UGT1A8: variants seen among roughly 807,000 people sequenced by gnomAD.
The protein encoded by UGT1A8 is UDP glucuronosyltransferase family 1 member A8.
In UGT1A8, 39 loss-of-function variants were observed where a neutral mutation model predicts 45.3. The ratio of observed to expected loss-of-function variants is 0.86; its 90% CI spans 0.67 to 1.12. The LOEUF is 1.12. Among genes scored for constraint, UGT1A8 ranks in the 50% most tolerant of loss-of-function variants. UGT1A8 has a pLI of 0.00. For synonymous variants in UGT1A8, 275 were observed against 249.2 expected (o/e 1.10, Z -0.97); for missense variants, 719 against 664.9 (o/e 1.08, Z -0.90).
rs773937182 is a variant in UGT1A8 at position 233,618,140 on chromosome 2, G to A, written c.433G>A (p.Val145Met). The A allele has an allele frequency of 1.2e-6, 2 of 1,614,096 alleles. No homozygotes were observed. The highest frequency in any genetic ancestry group is 1.7e-5 in the Admixed American group (1 of 60,012). ...CTTAAAGGAGAGTTCTTTTGATGCG[G>A]TGTTTCTTGATCCTTTTGATGCCTG... ...EYLKESSFDA[V>M]FLDPFDACGL... The change falls in exon 1 of 5, where the codon GTG (valine) becomes ATG (methionine). Residue 145 changes from valine (V) to methionine (M), a missense_variant. Val to Met is a conservative substitution (Grantham distance 21). Transcript: ENST00000373450.
intron 1 of UGT1A8, chr2:233,637,028 C>T (rs2073311321): frequency 9.9e-6 from 16 of 1,613,862 alleles, no homozygotes; most frequent in South Asian, 1.1e-5. Context: ...GTGGTCTTCA[C>T]CAGGGGAATA....
chr2:233,679,263 G>A (rs2074446748), intron 1 of UGT1A8, among the ~76,000 whole-genome samples: 1 of 152,234 alleles, frequency 6.6e-6, no homozygotes, highest in Admixed American at 6.5e-5. Context: ...ACAGTCCCTT[G>A]CTGGCAATGC....
In UGT1A8 at chr2:233,629,284, T is replaced by C. The variant is rs972519707; in HGVS notation, c.855+10722T>C. ...CTTAAGTTTCATTCATGTTAGCATA[T>C]GTCAGAATTTTCTTCCTTTCTAAGG... On this transcript the variant is annotated intron_variant, in intron 1 of 4. Transcript: ENST00000373450. Among the ~76,000 whole-genome samples the C allele has an allele frequency of 3.3e-5, 5 of 152,206 alleles. No homozygotes were observed. In the South Asian group the frequency reaches 6.2e-4, roughly 19 times the overall value.
At chr2:233,689,817 A>G in intron 1 of UGT1A8, 1 of 442,316 alleles carries the variant, frequency 2.3e-6, no homozygotes, top group Admixed American at 2.5e-5. Context: ...GAAACCAAAC[A>G]TCTCTGGACT....
chr2:233,679,011 G>A (rs938044553), intron 1 of UGT1A8, among the ~76,000 whole-genome samples: 1 of 152,226 alleles, frequency 6.6e-6, no homozygotes, highest in South Asian at 2.1e-4. Flanking sequence ...GGCATCTTCA[G>A]TGGTGTAATC....
In UGT1A8 at chr2:233,772,281, C is replaced by T. The variant is rs143033456; in HGVS notation, c.1315C>T (p.Arg439Cys). ...NDKSYKENIM[R>C]LSSLHKDRPV... is the part of the protein sequence containing the mutation. ...GTTTAGTTACAAGGAGAACATCATG[C>T]GCCTCTCCAGCCTTCACAAGGACCG... The change falls in exon 5 of 5, where the codon CGC becomes TGC. Residue 439 changes from arginine to cysteine, a missense_variant. Physicochemically the swap from Arg to Cys is radical, Grantham distance 180. Coordinates refer to ENST00000373450, the MANE Select transcript of UGT1A8 (RefSeq NM_019076.5). 1.3e-4 allele frequency: 210 copies of T among 1,614,084 alleles called. 1 individual carries two copies. Among genetic ancestry groups the T allele is most frequent in the Non-Finnish European group, 1.7e-4 (200 of 1,180,048 alleles).
chr2:233,637,435 G>T (rs896238678), intron 1 of UGT1A8: 30 of 1,543,034 alleles, frequency 1.9e-5, no homozygotes, highest in Non-Finnish European at 2.6e-5. Context: ...ATTAAAAAAG[G>T]ATTCCTTACT....
chr2:233,752,486 G>A (rs1051165548), intron 1 of UGT1A8: 1 of 152,154 alleles, frequency 6.6e-6, no homozygotes, highest in African/African-American at 2.4e-5. Context: ...TTATGTTTTT[G>A]AGATGAGACA....
chr2:233,694,865 A>G (rs2075244245), intron 1 of UGT1A8, among the ~76,000 whole-genome samples: 1 of 152,230 alleles, frequency 6.6e-6, no homozygotes, highest in Non-Finnish European at 1.5e-5. Context: ...GACATAATAT[A>G]GTTGTACACA....
At chr2:233,618,722 T>A (rs941978413) in intron 1 of UGT1A8, among the ~76,000 whole-genome samples, 160 bp downstream of exon 1, 13 of 152,246 alleles carry the variant, frequency 8.5e-5, no homozygotes, top group African/African-American at 2.9e-4. Flanking sequence ...TCATCAGTTA[T>A]CAAATTTTAT....
At chr2:233,739,292 G>A (rs907438916) in intron 1 of UGT1A8, among the ~76,000 whole-genome samples, 2 of 152,186 alleles carry the variant, frequency 1.3e-5, no homozygotes, top group African/African-American at 4.8e-5. Flanking sequence ...AGTCTCCACT[G>A]GGGCACTGCC....
At chr2:233,763,812 C>A (rs1698404052) in intron 1 of UGT1A8, among the ~76,000 whole-genome samples, 1 of 152,104 alleles carries the variant, frequency 6.6e-6, no homozygotes, top group Non-Finnish European at 1.5e-5. Context: ...TCAAGAATTC[C>A]AAGATGTTCC....
intron 1 of UGT1A8, among the ~76,000 whole-genome samples, chr2:233,629,717 T>G (rs1354013287): frequency 6.6e-6 from 1 of 152,186 alleles, no homozygotes; most frequent in African/African-American, 2.4e-5. Context: ...CTTCAATGTT[T>G]GCTGGATTCA....
At chr2:233,696,327 T>A (rs1423813795) in intron 1 of UGT1A8, among the ~76,000 whole-genome samples, 1 of 152,236 alleles carries the variant, frequency 6.6e-6, no homozygotes, top group Non-Finnish European at 1.5e-5. Context: ...CATCCTCATT[T>A]CCTTATACAG....
intron 1 of UGT1A8, chr2:233,755,181 C>G: frequency 8.3e-7 from 1 of 1,205,566 alleles, no homozygotes. Context: ...GTCGGGGTGC[C>G]ACTTGAGCGC....
At chr2:233,658,781 C>T (rs28969994) in intron 1 of UGT1A8, among the ~76,000 whole-genome samples, 2,422 of 152,304 alleles carry the variant, frequency 0.016, 58 homozygotes, top group African/African-American at 0.055. Flanking sequence ...CTTGGTTGTT[C>T]ATACTGCTAA....
At chr2:233,629,274 T>C (rs976181113) in intron 1 of UGT1A8, among the ~76,000 whole-genome samples, 1 of 152,212 alleles carries the variant, frequency 6.6e-6, no homozygotes, top group African/African-American at 2.4e-5. Flanking sequence ...GTTTCATTCA[T>C]GTTAGCATAT....
intron 1 of UGT1A8, among the ~76,000 whole-genome samples, chr2:233,673,405 C>T (rs2602376): frequency 0.22 from 32,911 of 152,040 alleles, 4,580 homozygotes; most frequent in South Asian, 0.33. Flanking sequence ...AGGCATTTTG[C>T]ATTTTTTGTC....
At chr2:233,760,129 C>T (rs1575768749) in intron 1 of UGT1A8, 2 of 1,354,926 alleles carry the variant, frequency 1.5e-6, no homozygotes, top group Non-Finnish European at 2.0e-6. Flanking sequence ...GCTCCACCTT[C>T]TTTATCTCTG....
Sources: allele counts gnomAD v4.1 joint callset (sites outside exome capture counted in the v4.1 genomes callset), GRCh38; gene constraint gnomAD v4.1.1; transcripts MANE v1.5; gene names NCBI Gene and HGNC (gene_info 2026-07-23, HGNC 2026-07-21).